ITPR2: variants seen among roughly 807,000 people sequenced by gnomAD.
The protein encoded by ITPR2 is inositol 1,4,5-trisphosphate receptor type 2.
A neutral mutation model predicts 317.1 loss-of-function variants in ITPR2; 207 were observed. The ratio of observed to expected loss-of-function variants is 0.65; its 90% confidence interval spans 0.58 to 0.73. ITPR2 has a LOEUF of 0.73. Among genes scored for constraint, ITPR2 ranks in the 30% least tolerant of loss-of-function variants. ITPR2 has a pLI of 0.00. For synonymous variants in ITPR2, 1,156 were observed against 1,149.1 expected, an observed-to-expected ratio of 1.01 and a Z score of -0.12; for missense variants, 2,613 against 3,284.0, an observed-to-expected ratio of 0.80 and a Z score of 4.99.
At chr12:26,624,776 C>CA (rs141428313) in intron 23 of ITPR2, among the ~76,000 whole-genome samples, 100,224 of 138,054 alleles carry the variant, frequency 0.73, 35,082 homozygotes, top group East Asian at 0.93. Context: ...CGAGGTTTCT[C>CA]AAAAAAAAAA....
At chr12:26,746,329 C>A (rs959210356) in intron 2 of ITPR2, among the ~76,000 whole-genome samples, 2 of 152,146 alleles carry the variant, frequency 1.3e-5, no homozygotes, top group Non-Finnish European at 2.9e-5. Context: ...TTCTGTTTTG[C>A]CCCATGTCCC....
chr12:26,354,713 G>A lies in ITPR2; in HGVS notation c.7858-14385C>T, dbSNP rs146846449. ...GATGGAGTTTTGCTCTTGTTGCCCA[G>A]GCTGGAGTGCAATGGTGGGGTCTCA... On this transcript the variant is annotated intron_variant, in intron 55 of 56. Coordinates refer to ENST00000381340, the MANE Select transcript of ITPR2 (RefSeq NM_002223.4). Among the ~76,000 whole-genome samples the A allele has an allele frequency of 3.3e-3, 504 of 152,212 alleles. 5 individuals carry two copies. In the Middle Eastern group the frequency reaches 0.034, roughly 10 times the overall value.
intron 55 of ITPR2, among the ~76,000 whole-genome samples, chr12:26,380,632 T>C (rs920802703): frequency 2.6e-5 from 4 of 152,192 alleles, no homozygotes; most frequent in Admixed American, 1.3e-4. Context: ...ATTACAAAAT[T>C]AGTGTAAACT....
At chr12:26,507,064 A>G (rs1416963693) in intron 37 of ITPR2, among the ~76,000 whole-genome samples, 1 of 152,146 alleles carries the variant, frequency 6.6e-6, no homozygotes, top group East Asian at 1.9e-4. Context: ...CATTTCTTGC[A>G]TCTATTTGTC....
chr12:26,419,681 T>C (rs1316776441), intron 49 of ITPR2: 2 of 152,150 alleles, frequency 1.3e-5, no homozygotes, highest in Non-Finnish European at 2.9e-5. Context: ...CTTAATACAA[T>C]GACTCCTAAA....
chr12:26,657,925 A>G, intron 17 of ITPR2, 33 bp from the exon 18 acceptor site: 2 of 1,608,158 alleles, frequency 1.2e-6, no homozygotes, highest in South Asian at 2.2e-5. Flanking sequence ...AAAATCTACT[A>G]AAAAGTACAC....
intron 20 of ITPR2, among the ~76,000 whole-genome samples, 158 bp from the exon 21 acceptor site, chr12:26,654,284 GC>G (rs1233594460): frequency 6.6e-6 from 1 of 152,046 alleles, no homozygotes; most frequent in Non-Finnish European, 1.5e-5. Context: ...ACTTGCAAAA[GC>G]AACCACTTGA....
intron 4 of ITPR2, among the ~76,000 whole-genome samples, chr12:26,724,166 G>A (rs368049255): frequency 6.6e-6 from 1 of 152,246 alleles, no homozygotes; most frequent in African/African-American, 2.4e-5. Context: ...CAAGTAAGAA[G>A]CTAAAAAGAT....
intron 55 of ITPR2, among the ~76,000 whole-genome samples, chr12:26,376,614 A>T (rs2136608739): frequency 6.6e-6 from 1 of 152,278 alleles, no homozygotes; most frequent in South Asian, 2.1e-4. Context: ...GCTTTCTAAA[A>T]TGTAAATCTG....
chr12:26,418,235 G>A (rs1940783429), intron 50 of ITPR2, among the ~76,000 whole-genome samples: 2 of 152,098 alleles, frequency 1.3e-5, no homozygotes, highest in Non-Finnish European at 2.9e-5. Flanking sequence ...TCAACAAAAT[G>A]TTTTTAGATG....
At chr12:26,765,314 G>C (rs1288369418) in intron 2 of ITPR2, among the ~76,000 whole-genome samples, 1 of 152,016 alleles carries the variant, frequency 6.6e-6, no homozygotes, top group East Asian at 1.9e-4. Context: ...ATGAGTAAAT[G>C]GAGATACAAT....
intron 37 of ITPR2, among the ~76,000 whole-genome samples, chr12:26,529,760 C>T (rs1276570865): frequency 6.6e-6 from 1 of 152,142 alleles, no homozygotes; most frequent in African/African-American, 2.4e-5. Context: ...CCTCTAACAT[C>T]CTTAAAATGA....
At chr12:26,773,709 C>G (rs1181941471) in intron 2 of ITPR2, among the ~76,000 whole-genome samples, 1 of 152,228 alleles carries the variant, frequency 6.6e-6, no homozygotes, top group Non-Finnish European at 1.5e-5. Context: ...CAACTTCCCT[C>G]TTCCCAATAC....
chr12:26,740,534 C>T (rs1433181181), intron 2 of ITPR2, among the ~76,000 whole-genome samples: 9 of 152,074 alleles, frequency 5.9e-5, no homozygotes, highest in Non-Finnish European at 1.2e-4. Context: ...AGCTTCATTC[C>T]GCCGTATAAG....
intron 54 of ITPR2, among the ~76,000 whole-genome samples, chr12:26,390,262 A>G (rs73284357): frequency 0.06 from 9,190 of 152,266 alleles, 906 homozygotes; most frequent in African/African-American, 0.21. Context: ...ACTCCTGGGT[A>G]TATATTCAAG....
At chr12:26,439,074 C>A in intron 47 of ITPR2, 53 bp downstream of exon 47, 2 of 1,149,214 alleles carry the variant, frequency 1.7e-6, no homozygotes, top group Non-Finnish European at 2.5e-6. Context: ...CCCAAAGTAC[C>A]AAATTATCTA....
At chr12:26,464,587 A>G (rs1480883549) in intron 45 of ITPR2, among the ~76,000 whole-genome samples, 1 of 152,208 alleles carries the variant, frequency 6.6e-6, no homozygotes, top group Non-Finnish European at 1.5e-5. Flanking sequence ...CTTGTTGACT[A>G]TCACAGCCAC....
chr12:26,789,294 C>T (rs1051912525), intron 2 of ITPR2, among the ~76,000 whole-genome samples: 3 of 152,096 alleles, frequency 2.0e-5, no homozygotes, highest in Admixed American at 6.5e-5. Context: ...AAATAAAATG[C>T]CTATCCCAGA....
chr12:26,688,924 T>C (rs1011231420), intron 10 of ITPR2, among the ~76,000 whole-genome samples: 5 of 152,176 alleles, frequency 3.3e-5, no homozygotes, highest in African/African-American at 4.8e-5. Context: ...TAAATGTCTT[T>C]AAATAACTCA....
Sources: gnomAD v4.1 joint callset for allele counts (sites outside exome capture counted in the v4.1 genomes callset) on GRCh38, gnomAD v4.1.1 for gene constraint, MANE v1.5 for transcripts, NCBI Gene and HGNC (gene_info 2026-07-23, HGNC 2026-07-21) for gene names.